NOS1: variants seen among roughly 807,000 people sequenced by gnomAD.
NOS1 encodes nitric oxide synthase 1.
Under a neutral mutation model 164.5 loss-of-function variants are expected in NOS1, and 51 were observed. That is an observed-to-expected ratio of 0.31 (90% CI 0.25 to 0.39). NOS1 has a LOEUF of 0.39. NOS1 is among the 10% of genes least tolerant of loss of function. NOS1 has a pLI of 1.00. For missense variants in NOS1, 1,362 were observed against 1,885.6 expected (o/e 0.72, Z 5.14); for synonymous variants, 719 against 745.8 (o/e 0.96, Z 0.59).
Position 117,265,341 on chromosome 12 carries a change from C to A in NOS1, c.2111G>T (p.Arg704Leu). The change falls in exon 12 of 29, where the codon CGG (arginine) becomes CTG (leucine). Residue 704 changes from arginine to leucine, a missense_variant. Arg to Leu is a moderately radical substitution (Grantham distance 102). Around this residue, in one of 4 missense-constraint regions of NOS1, gnomAD observed 737 missense variants for 1,030.3 expected, o/e 0.72. Coordinates refer to ENST00000317775, the MANE Select transcript of NOS1 (RefSeq NM_000620.5). ...PVFHQEMLNY[R>L]LTPSFEYQPD... Reference sequence around the variant, plus strand: ...CTGGTATTCGAAGGAGGGGGTGAGCCGGTAGTTGAGCATCTCCTGGTGGAA... The same window carrying A: ...CTGGTATTCGAAGGAGGGGGTGAGCAGGTAGTTGAGCATCTCCTGGTGGAA... 1 of 1,557,016 alleles carries A rather than the reference C, an allele frequency of 6.4e-7. No homozygotes were observed. The highest frequency in any genetic ancestry group is 1.2e-5 in the South Asian group (1 of 81,294).
intron 11 of NOS1, among the ~76,000 whole-genome samples, chr12:117,266,825 AC>A (rs1309013641): frequency 6.6e-6 from 1 of 152,134 alleles, no homozygotes; most frequent in African/African-American, 2.4e-5. Flanking sequence ...GGTGTGAGCC[AC>A]GGCGCCTGGC....
chr12:117,326,362 G>A (rs986105015), intron 2 of NOS1, among the ~76,000 whole-genome samples: 1 of 147,656 alleles, frequency 6.8e-6, no homozygotes, highest in African/African-American at 2.5e-5. Context: ...CTCCAGCATG[G>A]GTGACAAAGC....
chr12:117,227,756 G>T (rs1382986273), intron 22 of NOS1, 115 bp from the exon 23 acceptor site: 1 of 938,964 alleles, frequency 1.1e-6, no homozygotes, highest in South Asian at 1.4e-5. Context: ...GGCAGGTGCA[G>T]TGGCTCATGC....
chr12:117,315,682 G>T (rs1481403087), intron 2 of NOS1, among the ~76,000 whole-genome samples: 1 of 152,202 alleles, frequency 6.6e-6, no homozygotes, highest in Non-Finnish European at 1.5e-5. Context: ...TAGCATGCTG[G>T]TTAAGGATGT....
intron 4 of NOS1, among the ~76,000 whole-genome samples, chr12:117,289,068 T>C (rs973433002): frequency 2.0e-5 from 3 of 152,208 alleles, no homozygotes; most frequent in Non-Finnish European, 4.4e-5. Flanking sequence ...TCAGGGCAAT[T>C]TGTTACATTG....
chr12:117,217,557 T>C (rs1034136315), intron 28 of NOS1, among the ~76,000 whole-genome samples: 3 of 151,986 alleles, frequency 2.0e-5, no homozygotes, highest in African/African-American at 7.2e-5. Context: ...ATACAAAACT[T>C]AGCCGGGTGT....
chr12:117,212,907 C>G lies in NOS1; in HGVS notation c.*2402G>C. ...TGAAAGAAACACATCAGATCGCTCT[C>G]CTGCCTTCTAGCCTGGAGTTGTGAA... On this transcript the variant is annotated 3_prime_UTR_variant, in exon 29 of 29. Coordinates refer to ENST00000317775, the MANE Select transcript of NOS1 (RefSeq NM_000620.5). 5 of 985,418 alleles carry G rather than the reference C, an allele frequency of 5.1e-6. No homozygotes were observed. Among genetic ancestry groups the G allele is most frequent in the Non-Finnish European group, 6.0e-6 (5 of 829,942 alleles). The allele number at this position is 985,418 out of a possible 1,614,324, so 61.0% of individuals were successfully genotyped here. A position where few individuals can be genotyped will look rare whatever the true frequency, so the allele number is the denominator to read the frequency against.
Position 117,230,766 on chromosome 12 carries a change from C to T in NOS1, c.3405+1196G>A, listed in dbSNP as rs368216338. Among the ~76,000 whole-genome samples, 7 of 152,300 alleles carry T rather than the reference C, an allele frequency of 4.6e-5. No homozygotes were observed. In the South Asian group the frequency reaches 8.3e-4, roughly 18 times the overall value. On this transcript the variant is annotated intron_variant, in intron 22 of 28. Coordinates refer to ENST00000317775, the MANE Select transcript of NOS1 (RefSeq NM_000620.5). ...GAGACCTCTGATCTCTAATAGTCCCCCCTGCAGCTCCTCTGCATTGGCAAA... is the reference window on the plus strand; with the variant it reads ...GAGACCTCTGATCTCTAATAGTCCCTCCTGCAGCTCCTCTGCATTGGCAAA...
chr12:117,216,925 T>C (rs1956620787), intron 28 of NOS1, among the ~76,000 whole-genome samples: 1 of 152,094 alleles, frequency 6.6e-6, no homozygotes, highest in Non-Finnish European at 1.5e-5. Flanking sequence ...GTGTATGCCT[T>C]GTGTTGTTGA....
rs1448852381 is a variant in NOS1 at position 117,236,615 on chromosome 12, A to C, written c.3042-1857T>G. 3.3e-5 allele frequency among the ~76,000 whole-genome samples: 5 copies of C among 152,144 alleles called. No individual in the cohort carries two copies. The South Asian group carries it at 6.2e-4, about 19-fold the overall frequency. On this transcript the variant is annotated intron_variant, in intron 20 of 28. Transcript: ENST00000317775. ...TTGGTTCCTGGGGAGCAAAAAGACAACACCTCCAGAGAGCTGCAAGAAGGA... is the reference window on the plus strand; with the variant it reads ...TTGGTTCCTGGGGAGCAAAAAGACACCACCTCCAGAGAGCTGCAAGAAGGA...
chr12:117,238,507 C>CTT (rs1869908257), intron 20 of NOS1, among the ~76,000 whole-genome samples: 1 of 109,824 alleles, frequency 9.1e-6, no homozygotes, highest in African/African-American at 4.2e-5. Context: ...GCTATTGTTT[C>CTT]TTTTCTTTTC....
chr12:117,290,080 G>T (rs1361975651), intron 4 of NOS1, among the ~76,000 whole-genome samples: 17 of 152,202 alleles, frequency 1.1e-4, no homozygotes, highest in Admixed American at 1.1e-3. Flanking sequence ...TAAAATGGCA[G>T]TGTTTGCCCA....
chr12:117,242,346 G>A (rs911899561), intron 20 of NOS1, among the ~76,000 whole-genome samples: 7 of 152,204 alleles, frequency 4.6e-5, no homozygotes, highest in African/African-American at 1.4e-4. Flanking sequence ...AACATGTGGC[G>A]AAGCTACAGG....
rs7304189 is a variant in NOS1, at chr12:117,356,031, C to T, written c.-421+5481G>A. Among the ~76,000 whole-genome samples the T allele has an allele frequency of 0.06, 9,066 of 152,236 alleles. 477 individuals are homozygous for T. The highest frequency in any genetic ancestry group is 0.2 in the South Asian group (951 of 4,826). On this transcript the variant is annotated intron_variant, in intron 1 of 28. Coordinates refer to ENST00000317775, the MANE Select transcript of NOS1 (RefSeq NM_000620.5). The surrounding 1 kb of genome is among the most constrained non-coding windows in gnomAD (Gnocchi z 4.2). The stretch of plus-strand genomic sequence containing the variant: ...TCTCCCAAAGTGTTGGGATTACAGG[C>T]GTGAGCCACTGTGTCTGGCTGGCTC...
chr12:117,209,055 C>G lies in NOS1; in HGVS notation c.*6254G>C. On this transcript the variant is annotated 3_prime_UTR_variant, in exon 29 of 29. Coordinates refer to ENST00000317775, the MANE Select transcript of NOS1 (RefSeq NM_000620.5). ...GGTTTTTGAAAGCATACTGCCCTCC[C>G]CATGCCCCCTCCCCCGGACACCCTC... 1 of 985,338 alleles carries G rather than the reference C, an allele frequency of 1.0e-6. No individual in the cohort carries two copies. Among genetic ancestry groups the G allele is most frequent in the Non-Finnish European group, 1.2e-6 (1 of 829,930 alleles). 61.0% of individuals were successfully genotyped at this position (985,338 alleles called of 1,614,324 possible).
At chr12:117,274,377 G>A (rs1427420212) in intron 9 of NOS1, among the ~76,000 whole-genome samples, 1 of 152,176 alleles carries the variant, frequency 6.6e-6, no homozygotes, top group Admixed American at 6.5e-5. Flanking sequence ...ATATAGGCTA[G>A]TACCGGAGTA....
intron 21 of NOS1, 102 bp from the exon 22 acceptor site, chr12:117,232,233 A>C (rs1047882062): frequency 8.2e-6 from 9 of 1,096,140 alleles, no homozygotes; most frequent in Non-Finnish European, 1.1e-5. Flanking sequence ...CCAGGAGAGG[A>C]GGGTGGCTCC....
At chr12:117,278,914 T>C (rs1167267923) in intron 8 of NOS1, among the ~76,000 whole-genome samples, 3 of 149,826 alleles carry the variant, frequency 2.0e-5, no homozygotes, top group African/African-American at 7.3e-5. Flanking sequence ...TATCAAATAA[T>C]ACATTAAATA....
intron 24 of NOS1, 31 bp from the exon 25 acceptor site, chr12:117,225,168 G>T (rs758558622): frequency 2.1e-5 from 34 of 1,590,788 alleles, no homozygotes; most frequent in Non-Finnish European, 2.9e-5. Context: ...CAGAAGTCTT[G>T]CAGAGCTCAA....
Sources: gnomAD v4.1 joint callset for allele counts (sites outside exome capture counted in the v4.1 genomes callset) on GRCh38, gnomAD v4.1.1 for gene constraint, gnomAD v4.1.1 regional missense constraint, Gnocchi (gnomAD v3.1) non-coding constraint, MANE v1.5 for transcripts, NCBI Gene and HGNC (gene_info 2026-07-23, HGNC 2026-07-21) for gene names.